Variants in ADK observed in about 807,000 individuals in gnomAD.
ADK encodes adenosine kinase, also known as N6,N6-dimethyladenosine kinase.
ADK carries 24 observed loss-of-function variants against 44.7 expected under a neutral mutation model. That is an observed-to-expected ratio of 0.54 (90% CI 0.39 to 0.76). The LOEUF is 0.76. ADK is among the 30% of genes least tolerant of loss of function. The pLI is 0.00. For missense variants in ADK, 321 were observed against 425.1 expected, an observed-to-expected ratio of 0.76 and a Z score of 2.15; for synonymous variants, 128 against 142.6, an observed-to-expected ratio of 0.90 and a Z score of 0.73.
intron 9 of ADK, among the ~76,000 whole-genome samples, chr10:74,646,275 G>T (rs1267946776): frequency 6.6e-6 from 1 of 152,182 alleles, no homozygotes; most frequent in Non-Finnish European, 1.5e-5. Flanking sequence ...GGCAAGTTAT[G>T]ATTCTTCAGT....
chr10:74,307,009 C>T (rs1840276271), intron 3 of ADK, among the ~76,000 whole-genome samples: 1 of 152,174 alleles, frequency 6.6e-6, no homozygotes, highest in Non-Finnish European at 1.5e-5. Flanking sequence ...TGTTTTCCCC[C>T]TATTGCCCCC....
chr10:74,293,165 C>CA lies in ADK; in HGVS notation c.195-21474dup, dbSNP rs59635944. 3.8e-3 allele frequency among the ~76,000 whole-genome samples: 303 copies of CA among 79,100 alleles called. 11 individuals are homozygous for CA. Among genetic ancestry groups the CA allele is most frequent in the East Asian group, 0.012 (27 of 2,280 alleles). 51.9% of individuals were successfully genotyped at this position (79,100 alleles called of 152,430 possible). On this transcript the variant is annotated intron_variant, in intron 3 of 10. Coordinates refer to ENST00000539909, the MANE Select transcript of ADK (RefSeq NM_006721.4). The stretch of plus-strand genomic sequence containing the variant: ...CCCGTGACTGATTGAAACCCTGTCT[C>CA]AAAAAAAAAAAAAAAAAAAAAAAAA...
intron 4 of ADK, among the ~76,000 whole-genome samples, chr10:74,388,022 C>CCT (rs1276289055): frequency 6.6e-6 from 1 of 152,150 alleles, no homozygotes; most frequent in East Asian, 1.9e-4. Flanking sequence ...ATTCTCCTTA[C>CCT]CTCAGCCTCC....
rs184226508 is a variant in ADK at position 74,665,548 on chromosome 10, C to T, written c.878-4635C>T. ...AAGGGCTCAAGACCAGTCTGGAGAA[C>T]ACAGCAAGACCCTGTCTCTACAAAA... On this transcript the variant is annotated intron_variant, in intron 9 of 10. Transcript: ENST00000539909. 5.3e-5 allele frequency among the ~76,000 whole-genome samples: 8 copies of T among 152,058 alleles called. No homozygotes were observed. In the East Asian group the frequency reaches 7.7e-4, roughly 15 times the overall value.
At chr10:74,464,839 A>AAAAAAGAGAGGG (rs1554862937) in intron 6 of ADK, among the ~76,000 whole-genome samples, 32 of 150,890 alleles carry the variant, frequency 2.1e-4, no homozygotes, top group African/African-American at 6.8e-4. Flanking sequence ...CTATTTAAGA[A>AAAAAAGAGAGGG]AAAAAGAGAG....
intron 3 of ADK, among the ~76,000 whole-genome samples, chr10:74,276,926 T>A (rs1044241050): frequency 4.7e-5 from 1 of 21,110 alleles, no homozygotes; most frequent in African/African-American, 9.6e-5. Context: ...TCAAATATCT[T>A]TTTTTTTTTG....
chr10:74,658,435 TG>T (rs1854572492), intron 9 of ADK, among the ~76,000 whole-genome samples: 1 of 152,060 alleles, frequency 6.6e-6, no homozygotes, highest in African/African-American at 2.4e-5. Context: ...ATCAGTTTTT[TG>T]TCTGTCTGTT....
chr10:74,642,322 T>C (rs950283635), intron 9 of ADK, among the ~76,000 whole-genome samples: 2 of 151,596 alleles, frequency 1.3e-5, no homozygotes, highest in Admixed American at 1.3e-4. Flanking sequence ...AATTTTTTTT[T>C]CTTTTTTTTC....
intron 3 of ADK, among the ~76,000 whole-genome samples, chr10:74,283,168 T>C (rs1287732075): frequency 6.6e-6 from 1 of 152,218 alleles, no homozygotes; most frequent in Non-Finnish European, 1.5e-5. Context: ...TTAGTTCTCA[T>C]GTAGATGACG....
intron 3 of ADK, among the ~76,000 whole-genome samples, chr10:74,293,543 C>A (rs772987590): frequency 2.6e-5 from 4 of 151,982 alleles, no homozygotes; most frequent in Admixed American, 1.3e-4. Flanking sequence ...TTTAACATTG[C>A]ATACTCTTTT....
At chr10:74,206,255 T>C (rs1185718443) in intron 2 of ADK, among the ~76,000 whole-genome samples, 1 of 152,220 alleles carries the variant, frequency 6.6e-6, no homozygotes, top group Non-Finnish European at 1.5e-5. Flanking sequence ...ATTTGGGATA[T>C]ACACACAGAC....
At chr10:74,664,474 T>C (rs1302945721) in intron 9 of ADK, among the ~76,000 whole-genome samples, 1 of 152,222 alleles carries the variant, frequency 6.6e-6, no homozygotes, top group Non-Finnish European at 1.5e-5. Context: ...GCATAGCTTT[T>C]CATATGTTTT....
At chr10:74,474,349 C>T (rs1207039565) in intron 6 of ADK, among the ~76,000 whole-genome samples, 1 of 152,194 alleles carries the variant, frequency 6.6e-6, no homozygotes, top group Admixed American at 6.5e-5. Context: ...GTGATCTTCC[C>T]TCCTCAGCCT....
At chr10:74,520,489 C>T (rs1848771456) in intron 6 of ADK, among the ~76,000 whole-genome samples, 1 of 151,570 alleles carries the variant, frequency 6.6e-6, no homozygotes, top group African/African-American at 2.4e-5. Context: ...TACCCCTATT[C>T]CTCACATAAT....
chr10:74,198,581 G>C (rs1843248957), intron 1 of ADK, among the ~76,000 whole-genome samples: 1 of 152,178 alleles, frequency 6.6e-6, no homozygotes, highest in African/African-American at 2.4e-5. Flanking sequence ...AAGGGAGGGG[G>C]AATCATCAGT....
intron 7 of ADK, among the ~76,000 whole-genome samples, chr10:74,542,726 G>A (rs1849681701): frequency 6.6e-6 from 1 of 151,792 alleles, no homozygotes; most frequent in South Asian, 2.1e-4. Flanking sequence ...GCACAAATTA[G>A]CAGCTAAATG....
In ADK at chr10:74,427,255, G is replaced by T. The variant is rs111588232; in HGVS notation, c.555+28676G>T. Among the ~76,000 whole-genome samples, 764 of 152,202 alleles carry T rather than the reference G, an allele frequency of 5.0e-3. 10 individuals are homozygous for T. Among genetic ancestry groups the T allele is most frequent in the African/African-American group, 0.017 (713 of 41,520 alleles). Reference sequence around the variant, plus strand: ...GCTCTGTCGCCCAGGTTGGAGTGCAGTGGCGTGATCTCCGCTCACTGCAAG... The same window carrying T: ...GCTCTGTCGCCCAGGTTGGAGTGCATTGGCGTGATCTCCGCTCACTGCAAG... On this transcript the variant is annotated intron_variant, in intron 6 of 10. Coordinates refer to ENST00000539909, the MANE Select transcript of ADK (RefSeq NM_006721.4).
chr10:74,518,273 T>C (rs1046166315), intron 6 of ADK, among the ~76,000 whole-genome samples: 1 of 152,256 alleles, frequency 6.6e-6, no homozygotes, highest in African/African-American at 2.4e-5. Flanking sequence ...AAGCATCTGG[T>C]AGTCTTAGCC....
intron 6 of ADK, among the ~76,000 whole-genome samples, chr10:74,401,387 G>T (rs1013173551): frequency 6.6e-6 from 1 of 152,132 alleles, no homozygotes; most frequent in Non-Finnish European, 1.5e-5. Flanking sequence ...GAATCTGGGT[G>T]CTCCTGTATT....
Sources: gnomAD v4.1 joint callset for allele counts (sites outside exome capture counted in the v4.1 genomes callset) on GRCh38, gnomAD v4.1.1 for gene constraint, MANE v1.5 for transcripts, NCBI Gene and HGNC (gene_info 2026-07-23, HGNC 2026-07-21) for gene names.